The following ANK3 variants were observed in gnomAD, a reference collection of about 807,000 sequenced individuals.
ANK3 encodes ankyrin-3.
ANK3 carries 57 observed loss-of-function variants against 370.9 expected under a neutral mutation model. The observed-to-expected ratio is 0.15, with a 90% confidence interval of 0.12 to 0.19. The LOEUF (loss-of-function observed/expected upper bound fraction) is 0.19. ANK3 is among the 10% of genes least tolerant of loss of function. ANK3 has a pLI of 1.00. For synonymous variants in ANK3, 1,929 were observed against 1,946.3 expected (o/e 0.99, Z 0.23); for missense variants, 4,439 against 5,302.1 (o/e 0.84, Z 5.06).
At chr10:60,083,674 A>G in intron 32 of ANK3, 57 bp from the exon 33 acceptor site, 1 of 1,441,180 alleles carries the variant, frequency 6.9e-7, no homozygotes, top group Non-Finnish European at 9.5e-7. Context: ...AAATATTTTG[A>G]GATTTTATGT....
chr10:60,316,335 C>A (rs2047403447), intron 1 of ANK3, among the ~76,000 whole-genome samples: 1 of 152,282 alleles, frequency 6.6e-6, no homozygotes, highest in African/African-American at 2.4e-5. Context: ...AGCAGGAAGT[C>A]TCATGGTTCC....
intron 25 of ANK3, among the ~76,000 whole-genome samples, chr10:60,128,068 A>G (rs552355720): frequency 6.6e-6 from 1 of 152,322 alleles, no homozygotes; most frequent in East Asian, 1.9e-4. Flanking sequence ...TAAATAAAAG[A>G]CTTTATTAGG....
chr10:60,723,936 C>A (rs778110512), intron 1 of ANK3, among the ~76,000 whole-genome samples: 2 of 151,792 alleles, frequency 1.3e-5, no homozygotes, highest in South Asian at 4.2e-4. Context: ...GGAGGCTGGG[C>A]GCGGTGGCTC....
At chr10:60,033,922 C>T (rs1017477417) in intron 43 of ANK3, among the ~76,000 whole-genome samples, 12 of 152,000 alleles carry the variant, frequency 7.9e-5, no homozygotes, top group African/African-American at 1.9e-4. Context: ...TAGAAGTTTT[C>T]GGGATGGGGC....
intron 12 of ANK3, among the ~76,000 whole-genome samples, chr10:60,202,036 C>T (rs192861204): frequency 4.7e-5 from 7 of 149,822 alleles, no homozygotes; most frequent in East Asian, 4.0e-4. Flanking sequence ...TTTGTATAAA[C>T]GACGATAGTA....
At position 60,446,306 on chromosome 10, in the gene ANK3, T is replaced by C. The variant is rs539203240; in HGVS notation, c.97-166667A>G. Among the ~76,000 whole-genome samples the C allele has an allele frequency of 5.9e-5, 9 of 152,212 alleles. No individual in the cohort carries two copies. The South Asian group carries it at 1.7e-3, about 28-fold the overall frequency. ...CCAGAGCCAACTAAGTTTAAGAAAA[T>C]TGCATCTCAGAGCATGGTCCATTAT... On this transcript the variant is annotated intron_variant, in intron 2 of 43. Coordinates refer to the ANK3 transcript ENST00000373827.
chr10:60,308,737 C>T (rs1003655763), intron 1 of ANK3, among the ~76,000 whole-genome samples: 14 of 152,170 alleles, frequency 9.2e-5, no homozygotes, highest in Admixed American at 2.0e-4. Context: ...CAGCGATACA[C>T]TGTCTAGGCA....
intron 1 of ANK3, among the ~76,000 whole-genome samples, chr10:60,645,720 GT>G (rs2078701903): frequency 6.6e-6 from 1 of 151,844 alleles, no homozygotes; most frequent in Non-Finnish European, 1.5e-5. Flanking sequence ...GTGAGATTAT[GT>G]CTCAAGAGAA....
intron 17 of ANK3, among the ~76,000 whole-genome samples, chr10:60,186,377 G>T (rs1134202): frequency 1.4e-5 from 2 of 145,586 alleles, no homozygotes; most frequent in Non-Finnish European, 1.5e-5. Flanking sequence ...AAGAGACAGG[G>T]TCTCACTCTG....
chr10:60,677,792 A>C (rs2079145389), intron 1 of ANK3, among the ~76,000 whole-genome samples: 1 of 151,432 alleles, frequency 6.6e-6, no homozygotes, highest in South Asian at 2.1e-4. Context: ...CCCAAAAAAA[A>C]AAAAAAAGAA....
In ANK3 at chr10:60,129,379, C is replaced by A. The variant is rs16914786; in HGVS notation, c.2841+4892G>T. ...CTGACTATGAATCAGTGGCTTTCAA[C>A]CTTGGGTTCATTTAGAATTGCATGC... On this transcript the variant is annotated intron_variant, in intron 25 of 43. Transcript: ENST00000280772. 3.6e-3 allele frequency among the ~76,000 whole-genome samples: 542 copies of A among 152,262 alleles called. 6 individuals carry two copies. The East Asian group carries it at 0.037, about 10-fold the overall frequency.
chr10:60,255,047 G>A (rs972589147), intron 7 of ANK3, among the ~76,000 whole-genome samples: 1 of 152,138 alleles, frequency 6.6e-6, no homozygotes, highest in Non-Finnish European at 1.5e-5. Flanking sequence ...ATGTGGGAGA[G>A]AGCTATATTT....
intron 1 of ANK3, among the ~76,000 whole-genome samples, chr10:60,295,937 G>T (rs1288472745): frequency 6.6e-6 from 1 of 152,164 alleles, no homozygotes; most frequent in East Asian, 1.9e-4. Flanking sequence ...TTTGGTTGAA[G>T]TAGGTCAAGG....
intron 2 of ANK3, among the ~76,000 whole-genome samples, chr10:60,499,516 T>C (rs989546186): frequency 2.6e-5 from 4 of 152,198 alleles, no homozygotes; most frequent in South Asian, 2.1e-4. Flanking sequence ...ACTATCCACA[T>C]AACACCAATT....
At chr10:60,150,225 C>A (rs1467991157) in intron 23 of ANK3, among the ~76,000 whole-genome samples, 1 of 152,088 alleles carries the variant, frequency 6.6e-6, no homozygotes, top group Non-Finnish European at 1.5e-5. Context: ...CGGTGCCTGG[C>A]GTCTGCACCC....
intron 25 of ANK3, among the ~76,000 whole-genome samples, chr10:60,124,816 T>G (rs1457251821): frequency 1.3e-5 from 2 of 152,196 alleles, no homozygotes; most frequent in Admixed American, 6.5e-5. Flanking sequence ...GGACAAGCTA[T>G]TTAACTGGAC....
At chr10:60,312,902 C>T (rs562871126) in intron 1 of ANK3, among the ~76,000 whole-genome samples, 2 of 152,278 alleles carry the variant, frequency 1.3e-5, no homozygotes, top group South Asian at 4.1e-4. Context: ...CTCTAGTTCT[C>T]CCTAGCCTTG....
chr10:60,406,209 T>G (rs1276212566), intron 2 of ANK3, among the ~76,000 whole-genome samples: 10 of 152,214 alleles, frequency 6.6e-5, no homozygotes. Flanking sequence ...TTTTGTAGCA[T>G]GAAAACAGCC....
intron 42 of ANK3, among the ~76,000 whole-genome samples, chr10:60,049,734 T>TA (rs2077578268): frequency 6.6e-6 from 1 of 152,214 alleles, no homozygotes; most frequent in Non-Finnish European, 1.5e-5. Flanking sequence ...AAAGATAACT[T>TA]ACTCTAAGAA....
Sources: allele counts gnomAD v4.1 joint callset (sites outside exome capture counted in the v4.1 genomes callset), GRCh38; gene constraint gnomAD v4.1.1; transcripts MANE v1.5; gene names NCBI Gene and HGNC (gene_info 2026-07-23, HGNC 2026-07-21).